Variants in ZFHX3 observed in about 807,000 individuals in gnomAD.
ZFHX3 encodes zinc finger homeobox protein 3.
ZFHX3 carries 42 observed loss-of-function variants against 279.1 expected under a neutral mutation model. The observed-to-expected ratio is 0.15, with a 90% CI of 0.12 to 0.19. The LOEUF (loss-of-function observed/expected upper bound fraction) is 0.19. Ranked by LOEUF, ZFHX3 falls within the 10% of genes least tolerant of loss-of-function variation. The probability of loss-of-function intolerance (pLI) is 1.00; values close to 1 mark genes in which losing one functional copy is unlikely to be tolerated. For synonymous variants in ZFHX3, 2,293 were observed against 1,957.8 expected (o/e 1.17, Z -4.52); for missense variants, 4,981 against 4,754.0 (o/e 1.05, Z -1.40).
In ZFHX3 at chr16:73,140,361, T is replaced by A. The variant is rs113829202; in HGVS notation, c.-1024+3391A>T. Reference sequence around the variant, plus strand: ...GGGATGTTCAAGAGTTGGATTATAATCTGGCTGTGATCAAAGTGCTCATTA... The same window carrying A: ...GGGATGTTCAAGAGTTGGATTATAAACTGGCTGTGATCAAAGTGCTCATTA... On this transcript the variant is annotated intron_variant, in intron 6 of 17. Transcript: ENST00000641206. 1.1e-4 allele frequency among the ~76,000 whole-genome samples: 16 copies of A among 152,200 alleles called. 1 individual carries two copies. The highest frequency in any genetic ancestry group is 3.9e-4 in the African/African-American group (16 of 41,540).
chr16:72,875,945 C>T (rs1233533533), intron 4 of ZFHX3, among the ~76,000 whole-genome samples: 2 of 152,124 alleles, frequency 1.3e-5, no homozygotes, highest in Admixed American at 6.5e-5. Context: ...GCCCATGCCC[C>T]GGTGATTTTT....
At chr16:73,868,380 C>T (rs748400338) in intron 1 of ZFHX3, among the ~76,000 whole-genome samples, 30 of 152,138 alleles carry the variant, frequency 2.0e-4, no homozygotes, top group South Asian at 6.2e-4. Context: ...AAAAATTAGC[C>T]GGGCCTGGTG....
At chr16:73,210,252 G>T (rs1597221706) in intron 5 of ZFHX3, among the ~76,000 whole-genome samples, 2 of 152,248 alleles carry the variant, frequency 1.3e-5, no homozygotes, top group Admixed American at 6.5e-5. Flanking sequence ...ATAACTGCTG[G>T]ATCGGGTTAG....
intron 4 of ZFHX3, among the ~76,000 whole-genome samples, chr16:73,285,203 G>C (rs2014563935): frequency 1.3e-5 from 2 of 152,190 alleles, no homozygotes; most frequent in Non-Finnish European, 2.9e-5. Flanking sequence ...GGTTGGGTGG[G>C]AGGAGAGGTA....
At chr16:73,036,382 A>C (rs1964905203) in intron 1 of ZFHX3, among the ~76,000 whole-genome samples, 1 of 152,222 alleles carries the variant, frequency 6.6e-6, no homozygotes, top group Admixed American at 6.5e-5. Context: ...TTCCTCCAGC[A>C]GCCGGATTAG....
At chr16:73,538,997 C>G (rs201750525) in intron 2 of ZFHX3, among the ~76,000 whole-genome samples, 3 of 152,034 alleles carry the variant, frequency 2.0e-5, no homozygotes, top group Admixed American at 2.0e-4. Context: ...GAGGTACGTG[C>G]GATGTGTCCC....
intron 2 of ZFHX3, among the ~76,000 whole-genome samples, chr16:73,524,615 T>G (rs558843315): frequency 1.3e-5 from 2 of 152,324 alleles, no homozygotes; most frequent in East Asian, 3.9e-4. Context: ...CTCATTTCTC[T>G]CTAGTGTCCT....
At chr16:73,405,319 T>C (rs925305501) in intron 3 of ZFHX3, among the ~76,000 whole-genome samples, 3 of 152,200 alleles carry the variant, frequency 2.0e-5, no homozygotes, top group Non-Finnish European at 4.4e-5. Flanking sequence ...GACTAAGGCT[T>C]AGCTGTACTA....
chr16:73,781,323 G>C (rs7200482), intron 1 of ZFHX3, among the ~76,000 whole-genome samples: 1 of 152,168 alleles, frequency 6.6e-6, no homozygotes, highest in African/African-American at 2.4e-5. Flanking sequence ...TAAGCAGCTC[G>C]ATTATAAGGC....
At chr16:73,751,419 G>C (rs2053760941) in intron 1 of ZFHX3, among the ~76,000 whole-genome samples, 1 of 152,106 alleles carries the variant, frequency 6.6e-6, no homozygotes, top group Non-Finnish European at 1.5e-5. Flanking sequence ...ATCCATTCTA[G>C]TTTTTAAAAA....
Position 73,664,323 on chromosome 16 carries a change from GGA to G in ZFHX3, c.-1547+15855_-1547+15856del, listed in dbSNP as rs1290512892. Among the ~76,000 whole-genome samples, 4 of 152,214 alleles carry G rather than the reference GGA, an allele frequency of 2.6e-5. No homozygotes were observed. In the East Asian group the frequency reaches 7.7e-4, roughly 29 times the overall value. ...TGAAAAACAAAGAACTACCATAAAT[GGA>G]GAAACTGGGCTTTGACAATTGCATC... On this transcript the variant is annotated intron_variant, in intron 2 of 17. Coordinates refer to the ZFHX3 transcript ENST00000641206.
At chr16:73,438,634 C>T (rs2018035980) in intron 3 of ZFHX3, among the ~76,000 whole-genome samples, 1 of 152,134 alleles carries the variant, frequency 6.6e-6, no homozygotes, top group South Asian at 2.1e-4. Flanking sequence ...AAGAAAGAAG[C>T]AAAATTCTTG....
chr16:73,832,317 A>G (rs1961020095), intron 1 of ZFHX3, among the ~76,000 whole-genome samples: 1 of 152,022 alleles, frequency 6.6e-6, no homozygotes, highest in Non-Finnish European at 1.5e-5. Flanking sequence ...ACACATCCTG[A>G]AAAGTTCCAG....
At chr16:73,485,482 A>C (rs1404393453) in intron 2 of ZFHX3, among the ~76,000 whole-genome samples, 10 of 152,168 alleles carry the variant, frequency 6.6e-5, no homozygotes, top group Admixed American at 5.9e-4. Flanking sequence ...TCTTAAGAAA[A>C]AAATATTCTT....
intron 2 of ZFHX3, among the ~76,000 whole-genome samples, chr16:73,571,223 T>C (rs925395295): frequency 7.4e-6 from 1 of 135,608 alleles, no homozygotes; most frequent in Non-Finnish European, 1.7e-5. Context: ...TTACTGACAA[T>C]TGAAAATGCA....
chr16:72,787,136 ATTTG>A lies in ZFHX3; in HGVS notation c.*24_*27del, dbSNP rs748257312. 12 of 1,347,064 alleles carry A rather than the reference ATTTG, an allele frequency of 8.9e-6. No individual in the cohort carries two copies. Among genetic ancestry groups the A allele is most frequent in the Non-Finnish European group, 1.2e-5 (12 of 1,041,358 alleles). 83.4% of individuals were successfully genotyped at this position (1,347,064 alleles called of 1,614,324 possible). On this transcript the variant is annotated 3_prime_UTR_variant, in exon 10 of 10. Coordinates refer to ENST00000268489, the MANE Select transcript of ZFHX3 (RefSeq NM_006885.4). ...GTTATTAATTTTTGTATTTAAATTC[ATTTG>A]TTTGTATTGTTCATCTTCAAAGCTT...
At chr16:73,208,874 C>T (rs1053612886) in intron 5 of ZFHX3, among the ~76,000 whole-genome samples, 1 of 152,112 alleles carries the variant, frequency 6.6e-6, no homozygotes, top group Admixed American at 6.5e-5. Context: ...ATCAGTACTG[C>T]CCCAAACAAC....
intron 1 of ZFHX3, among the ~76,000 whole-genome samples, chr16:73,763,571 T>C (rs2053895262): frequency 6.6e-6 from 1 of 152,132 alleles, no homozygotes; most frequent in Admixed American, 6.5e-5. Flanking sequence ...TCTTGGAGCA[T>C]TGATGAGGTA....
chr16:73,454,260 C>T (rs746463251), intron 3 of ZFHX3, among the ~76,000 whole-genome samples: 3 of 152,198 alleles, frequency 2.0e-5, no homozygotes, highest in Non-Finnish European at 2.9e-5. Flanking sequence ...TTGTCTCAAT[C>T]TTGGGTACCC....
Sources: allele counts gnomAD v4.1 joint callset (sites outside exome capture counted in the v4.1 genomes callset), GRCh38; gene constraint gnomAD v4.1.1; transcripts MANE v1.5; gene names NCBI Gene and HGNC (gene_info 2026-07-23, HGNC 2026-07-21).